The following PTPRN2 variants were observed in gnomAD, a reference collection of about 807,000 sequenced individuals.
PTPRN2 encodes the protein receptor-type tyrosine-protein phosphatase N2.
Under a neutral mutation model 118.8 loss-of-function variants are expected in PTPRN2, and 74 were observed. That is an observed-to-expected ratio of 0.62 (90% CI 0.52 to 0.76). PTPRN2 has a LOEUF of 0.76. Among genes scored for constraint, PTPRN2 ranks in the 30% least tolerant of loss-of-function variants. The probability of loss-of-function intolerance (pLI) is 0.00; values close to 1 mark genes in which losing one functional copy is unlikely to be tolerated. For synonymous variants in PTPRN2, 641 were observed against 608.0 expected (o/e 1.05, Z -0.80); for missense variants, 1,481 against 1,394.4 (o/e 1.06, Z -0.99).
rs560331058 is a variant in PTPRN2 at position 157,539,107 on chromosome 7, C to T, written c.*1607G>A. On this transcript the variant is annotated 3_prime_UTR_variant, in exon 23 of 23. Coordinates refer to ENST00000389418, the MANE Select transcript of PTPRN2 (RefSeq NM_002847.5). ...CAATTAAATATATTTGTATATCTCA[C>T]ACCGGAGGTTTCTCTTCAAACATAA... The T allele has an allele frequency of 6.6e-6, 1 of 152,352 alleles. No homozygotes were observed. The highest frequency in any genetic ancestry group is 2.4e-5 in the African/African-American group (1 of 41,580). 9.4% of individuals were successfully genotyped at this position (152,352 alleles called of 1,614,324 possible).
intron 11 of PTPRN2, among the ~76,000 whole-genome samples, chr7:158,032,922 T>G (rs1807795430): frequency 6.6e-6 from 1 of 152,134 alleles, no homozygotes; most frequent in Admixed American, 6.5e-5. Context: ...CAAAAGGCAT[T>G]ACTGCAGAGG....
intron 3 of PTPRN2, among the ~76,000 whole-genome samples, chr7:158,273,206 C>T (rs1352430296): frequency 6.6e-6 from 1 of 152,178 alleles, no homozygotes; most frequent in African/African-American, 2.4e-5. Flanking sequence ...GCACGTGGAG[C>T]TCCAGGCAGC....
intron 3 of PTPRN2, among the ~76,000 whole-genome samples, chr7:158,271,922 T>TG (rs11438982): frequency 0.28 from 42,786 of 152,024 alleles, 6,458 homozygotes; most frequent in African/African-American, 0.4. Context: ...ACTGGAGGCG[T>TG]GGGGTAGGCG....
At chr7:158,065,018 G>T (rs1158344047) in intron 11 of PTPRN2, among the ~76,000 whole-genome samples, 1 of 152,246 alleles carries the variant, frequency 6.6e-6, no homozygotes, top group Non-Finnish European at 1.5e-5. Flanking sequence ...GGGAAGAAAG[G>T]CAGAAAGATG....
chr7:157,620,349 T>C (rs1471693035), intron 15 of PTPRN2, among the ~76,000 whole-genome samples: 1 of 152,170 alleles, frequency 6.6e-6, no homozygotes, highest in Non-Finnish European at 1.5e-5. Context: ...CACGAGGCGG[T>C]GTCTCTTCCA....
intron 10 of PTPRN2, among the ~76,000 whole-genome samples, chr7:158,105,813 G>A (rs1815637249): frequency 6.6e-6 from 1 of 151,028 alleles, no homozygotes; most frequent in Non-Finnish European, 1.5e-5. Context: ...TTCCATCCTA[G>A]CTCCATCTTA....
chr7:157,933,969 A>T (rs1447241916), intron 11 of PTPRN2, among the ~76,000 whole-genome samples: 2 of 152,056 alleles, frequency 1.3e-5, no homozygotes, highest in Non-Finnish European at 2.9e-5. Context: ...TGAGTCACTG[A>T]TTTGCATTTT....
rs1259706461 is a variant in PTPRN2, at chr7:157,929,772, G to A, written c.1724-31035C>T. Among the ~76,000 whole-genome samples, 1 of 152,090 alleles carries A rather than the reference G, an allele frequency of 6.6e-6. No individual in the cohort carries two copies. Among genetic ancestry groups the A allele is most frequent in the Non-Finnish European group, 1.5e-5 (1 of 67,996 alleles). ...TGTTGAGATGAATGGTGCCAGAAGG[G>A]AGTCTTTCCAAGTGCCCTGTAATGC... On this transcript the variant is annotated intron_variant, in intron 11 of 22. Coordinates refer to ENST00000389418, the MANE Select transcript of PTPRN2 (RefSeq NM_002847.5). This position sits in a 1 kb window ranked among gnomAD's most constrained non-coding sequence, Gnocchi z 4.4.
intron 9 of PTPRN2, among the ~76,000 whole-genome samples, chr7:158,115,772 G>A (rs953485048): frequency 6.6e-6 from 1 of 152,146 alleles, no homozygotes; most frequent in Non-Finnish European, 1.5e-5. Flanking sequence ...AGCACTGCGA[G>A]TGGACTCAGG....
At chr7:157,715,287 A>C (rs1008662347) in intron 12 of PTPRN2, among the ~76,000 whole-genome samples, 1 of 152,136 alleles carries the variant, frequency 6.6e-6, no homozygotes, top group Non-Finnish European at 1.5e-5. Flanking sequence ...GAGTGTTGGG[A>C]GACAGGCCGG....
rs570383038 is a variant in PTPRN2, at chr7:158,440,664, G to A, written c.163+49071C>T. ...TGGTGGCAGTAGTGATGGTGGTAGT[G>A]ATAGTGACAGGGTGGTGGTGGTGGT... On this transcript the variant is annotated intron_variant, in intron 2 of 22. Coordinates refer to ENST00000389418, the MANE Select transcript of PTPRN2 (RefSeq NM_002847.5). 2.6e-5 allele frequency among the ~76,000 whole-genome samples: 3 copies of A among 114,020 alleles called. No homozygotes were observed. In the South Asian group the frequency reaches 8.6e-4, roughly 33 times the overall value. The allele number at this position is 114,020 out of a possible 152,430, so 74.8% of individuals were successfully genotyped here.
Position 158,570,852 on chromosome 7 carries a change from A to G in PTPRN2, c.112+16706T>C, listed in dbSNP as rs899856285. On this transcript the variant is annotated intron_variant, in intron 1 of 22. Transcript: ENST00000389418. This position sits in a 1 kb window ranked among gnomAD's most constrained non-coding sequence, Gnocchi z 4.5. ...GACTGAGACTAAAAGCATCCATAAA[A>G]GCCCGACATTGTGGAAAGACACAAA... Among the ~76,000 whole-genome samples the G allele has an allele frequency of 6.6e-6, 1 of 152,200 alleles. No individual in the cohort carries two copies. Among genetic ancestry groups the G allele is most frequent in the Admixed American group, 6.5e-5 (1 of 15,282 alleles).
chr7:157,570,972 C>T (rs1387719861), intron 20 of PTPRN2, among the ~76,000 whole-genome samples: 3 of 152,098 alleles, frequency 2.0e-5, no homozygotes, highest in African/African-American at 4.8e-5. Flanking sequence ...AGGCCTCGCG[C>T]GGTGGCTCAC....
In PTPRN2 at chr7:157,784,831, T is replaced by C. The variant is rs931043744; in HGVS notation, c.1789-101894A>G. Among the ~76,000 whole-genome samples the C allele has an allele frequency of 1.3e-4, 20 of 151,862 alleles. No homozygotes were observed. Among genetic ancestry groups the C allele is most frequent in the African/African-American group, 4.8e-4 (20 of 41,334 alleles). ...AATGAACCCATCGTGTGGGGCGACA[T>C]AGGGGCCCAGGGGGCCTGGACAAGT... On this transcript the variant is annotated intron_variant, in intron 12 of 22. Transcript: ENST00000389418. The surrounding 1 kb of genome is among the most constrained non-coding windows in gnomAD (Gnocchi z 4.6).
At chr7:157,912,132 T>C (rs1798139414) in intron 11 of PTPRN2, among the ~76,000 whole-genome samples, 1 of 152,250 alleles carries the variant, frequency 6.6e-6, no homozygotes, top group African/African-American at 2.4e-5. Context: ...AAAGGGATTC[T>C]ATCAATTTAC....
rs1822990797 is a variant in PTPRN2, at chr7:158,509,090, TGGGGACTGGGA to T, written c.113-19316_113-19306del. 6.6e-6 allele frequency among the ~76,000 whole-genome samples: 1 copy of T among 150,610 alleles called. No individual in the cohort carries two copies. Among genetic ancestry groups the T allele is most frequent in the Admixed American group, 6.6e-5 (1 of 15,104 alleles). On this transcript the variant is annotated intron_variant, in intron 1 of 22. Transcript: ENST00000389418. This position sits in a 1 kb window ranked among gnomAD's most constrained non-coding sequence, Gnocchi z 4.4. The stretch of plus-strand genomic sequence containing the variant: ...AAAGATAAGAAGGGGAGGAAGAAGA[TGGGGACTGGGA>T]GGGGAGAGGGAGAGAGAGAGCAGAA...
chr7:158,486,439 C>T (rs1317332001), intron 2 of PTPRN2, among the ~76,000 whole-genome samples: 1 of 152,246 alleles, frequency 6.6e-6, no homozygotes, highest in African/African-American at 2.4e-5. Flanking sequence ...ATCAAATCCG[C>T]TTTAAAAATT....
chr7:157,630,612 C>A (rs1428221952), intron 14 of PTPRN2, among the ~76,000 whole-genome samples: 1 of 152,190 alleles, frequency 6.6e-6, no homozygotes, highest in Non-Finnish European at 1.5e-5. Flanking sequence ...ACTTGAGATG[C>A]AGGGCAGATA....
In PTPRN2 at chr7:157,583,637, A is replaced by C. The variant is rs1800505983; in HGVS notation, c.2497-5497T>G. Among the ~76,000 whole-genome samples the C allele has an allele frequency of 6.6e-6, 1 of 152,194 alleles. No individual in the cohort carries two copies. The highest frequency in any genetic ancestry group is 1.5e-5 in the Non-Finnish European group (1 of 68,044). On this transcript the variant is annotated intron_variant, in intron 17 of 22. Transcript: ENST00000389418. This position sits in a 1 kb window ranked among gnomAD's most constrained non-coding sequence, Gnocchi z 5.5. The stretch of plus-strand genomic sequence containing the variant: ...AGGGGCTCGCACCTCTAATCCCAGC[A>C]CTTTGGGAGGCCAAGGCAGGCGAAT...
Sources: allele counts gnomAD v4.1 joint callset (sites outside exome capture counted in the v4.1 genomes callset), GRCh38; gene constraint gnomAD v4.1.1; non-coding constraint Gnocchi (gnomAD v3.1); transcripts MANE v1.5; gene names NCBI Gene and HGNC (gene_info 2026-07-23, HGNC 2026-07-21).